FRMD4A: variants seen among roughly 807,000 people sequenced by gnomAD.
FRMD4A encodes FERM domain containing 4A.
In FRMD4A, 29 loss-of-function variants were observed where a neutral mutation model predicts 129.1. The ratio of observed to expected loss-of-function variants is 0.22; its 90% CI spans 0.17 to 0.31. The LOEUF (loss-of-function observed/expected upper bound fraction) is 0.31, where lower values mean the gene tolerates loss of function less well. FRMD4A is among the 10% of genes least tolerant of loss of function. The pLI is 1.00. For synonymous variants in FRMD4A, 634 were observed against 571.6 expected, an observed-to-expected ratio of 1.11 and a Z score of -1.56; for missense variants, 1,272 against 1,375.8, an observed-to-expected ratio of 0.92 and a Z score of 1.19.
At chr10:13,800,213 C>A (rs2093223076) in intron 4 of FRMD4A, among the ~76,000 whole-genome samples, 1 of 151,958 alleles carries the variant, frequency 6.6e-6, no homozygotes, top group South Asian at 2.1e-4. Flanking sequence ...AAAAACATGA[C>A]CTATCTCTCA....
intron 17 of FRMD4A, among the ~76,000 whole-genome samples, chr10:13,669,970 C>T (rs2083384426): frequency 2.0e-5 from 3 of 152,326 alleles, no homozygotes; most frequent in Admixed American, 1.3e-4. Flanking sequence ...GTGGACCCTA[C>T]TGGTCTCTCC....
At chr10:13,965,649 G>C (rs77026775) in intron 2 of FRMD4A, among the ~76,000 whole-genome samples, 1 of 152,192 alleles carries the variant, frequency 6.6e-6, no homozygotes, top group Non-Finnish European at 1.5e-5. Context: ...CCTGTAAGAA[G>C]TCTTCCCAAA....
intron 2 of FRMD4A, among the ~76,000 whole-genome samples, chr10:14,220,706 C>T (rs1264815702): frequency 6.6e-6 from 1 of 151,992 alleles, no homozygotes; most frequent in Non-Finnish European, 1.5e-5. Flanking sequence ...AATAGAGGAC[C>T]AGCAGAGGAG....
At chr10:14,128,073 TTTC>T (rs1839016257) in intron 2 of FRMD4A, among the ~76,000 whole-genome samples, 1 of 108,350 alleles carries the variant, frequency 9.2e-6, no homozygotes, top group East Asian at 2.6e-4. Context: ...TCTTTCTTTC[TTTC>T]TTTCTTTCTT....
chr10:14,045,934 CAT>C (rs1833974602), intron 2 of FRMD4A, among the ~76,000 whole-genome samples: 1 of 147,014 alleles, frequency 6.8e-6, no homozygotes, highest in African/African-American at 2.5e-5. Flanking sequence ...TGTATTAATA[CAT>C]ATTCAATTTT....
intron 2 of FRMD4A, among the ~76,000 whole-genome samples, chr10:14,094,967 TG>T (rs890721250): frequency 1.2e-4 from 18 of 151,896 alleles, no homozygotes; most frequent in African/African-American, 2.9e-4. Flanking sequence ...ACCAAGAGTG[TG>T]GGGGGGAACC....
At chr10:13,721,167 A>C (rs573221009) in intron 12 of FRMD4A, among the ~76,000 whole-genome samples, 2 of 152,264 alleles carry the variant, frequency 1.3e-5, no homozygotes, top group South Asian at 4.1e-4. Flanking sequence ...ACAGATCACA[A>C]GACAGTCTTT....
intron 2 of FRMD4A, among the ~76,000 whole-genome samples, chr10:13,998,300 G>A (rs918327550): frequency 5.3e-5 from 8 of 152,068 alleles, no homozygotes; most frequent in African/African-American, 1.9e-4. Flanking sequence ...AATTTCCATG[G>A]TGTAAATTCC....
intron 2 of FRMD4A, among the ~76,000 whole-genome samples, chr10:14,142,497 G>A (rs540332983): frequency 1.4e-4 from 21 of 152,314 alleles, no homozygotes; most frequent in African/African-American, 4.3e-4. Flanking sequence ...ACTGAGCTAC[G>A]CTTGCATCCT....
chr10:13,992,952 C>CAAAAAAA (rs10648349), intron 2 of FRMD4A, among the ~76,000 whole-genome samples: 1 of 65,984 alleles, frequency 1.5e-5, no homozygotes, highest in Non-Finnish European at 2.5e-5. Flanking sequence ...GACTCTGTCT[C>CAAAAAAA]AAAAAAAAAA....
At chr10:13,692,454 G>A (rs2085801519) in intron 15 of FRMD4A, 1 of 152,106 alleles carries the variant, frequency 6.6e-6, no homozygotes, top group Admixed American at 6.6e-5. Context: ...GCCTTTAGCG[G>A]TTCTACTGAA....
intron 2 of FRMD4A, among the ~76,000 whole-genome samples, chr10:14,123,793 A>G: frequency 6.6e-6 from 1 of 152,182 alleles, no homozygotes; most frequent in East Asian, 1.9e-4. Flanking sequence ...CTAAGCCTTT[A>G]CATAGCATGT....
chr10:14,131,402 C>CA (rs1554767054), intron 2 of FRMD4A, among the ~76,000 whole-genome samples: 1 of 151,752 alleles, frequency 6.6e-6, no homozygotes, highest in African/African-American at 2.4e-5. Flanking sequence ...CTGTGCCCCC[C>CA]CCGGCCGCCC....
chr10:13,777,482 G>A (rs961489078), intron 6 of FRMD4A, among the ~76,000 whole-genome samples: 32 of 152,122 alleles, frequency 2.1e-4, no homozygotes, highest in African/African-American at 7.7e-4. Context: ...TCATTTATGT[G>A]CCCAAGCCCA....
At chr10:13,867,709 TA>T (rs752460662) in intron 2 of FRMD4A, among the ~76,000 whole-genome samples, 1 of 2,684 alleles carries the variant, frequency 3.7e-4, no homozygotes, top group African/African-American at 5.2e-4. Context: ...ATATAATAAA[TA>T]ACATATAATA....
At chr10:14,072,094 G>A (rs572878543) in intron 2 of FRMD4A, among the ~76,000 whole-genome samples, 1 of 152,220 alleles carries the variant, frequency 6.6e-6, no homozygotes, top group Admixed American at 6.5e-5. Context: ...AAATTCTCTT[G>A]GGAAGGCCCA....
intron 5 of FRMD4A, among the ~76,000 whole-genome samples, chr10:13,793,360 T>A (rs2093045239): frequency 6.6e-6 from 1 of 152,032 alleles, no homozygotes; most frequent in South Asian, 2.1e-4. Flanking sequence ...TTAGTAGAGA[T>A]GGGGTTTCAC....
chr10:13,862,673 T>C (rs1294609201), intron 2 of FRMD4A, among the ~76,000 whole-genome samples: 1 of 152,234 alleles, frequency 6.6e-6, no homozygotes, highest in African/African-American at 2.4e-5. Context: ...CTTTGAATCA[T>C]CATGTTTTTG....
intron 12 of FRMD4A, among the ~76,000 whole-genome samples, chr10:13,717,266 G>T (rs2088899206): frequency 6.6e-6 from 1 of 152,194 alleles, no homozygotes; most frequent in African/African-American, 2.4e-5. Context: ...CATTTCACCT[G>T]CTTTGGCCAA....
Sources: gnomAD v4.1 joint callset for allele counts (sites outside exome capture counted in the v4.1 genomes callset) on GRCh38, gnomAD v4.1.1 for gene constraint, MANE v1.5 for transcripts, NCBI Gene and HGNC (gene_info 2026-07-23, HGNC 2026-07-21) for gene names.